Variants in HEATR5B observed in about 807,000 individuals in gnomAD.
HEATR5B encodes HEAT repeat-containing protein 5B.
Under a neutral mutation model 224.1 loss-of-function variants are expected in HEATR5B, and 156 were observed. That is an observed-to-expected ratio of 0.70 (90% CI 0.61 to 0.80). The LOEUF (loss-of-function observed/expected upper bound fraction) is 0.80. Among genes scored for constraint, HEATR5B ranks in the 30% least tolerant of loss-of-function variants. The pLI, the probability that HEATR5B is intolerant of heterozygous loss-of-function variation, is 0.00. For synonymous variants in HEATR5B, 1,027 were observed against 893.0 expected (o/e 1.15, Z -2.68); for missense variants, 2,323 against 2,535.5 (o/e 0.92, Z 1.80).
At chr2:37,002,197 A>T in intron 32 of HEATR5B, 109 bp downstream of exon 32, 1 of 1,209,070 alleles carries the variant, frequency 8.3e-7, no homozygotes, top group South Asian at 1.5e-5. Flanking sequence ...CTTATTTTTC[A>T]CTTGAGATTT....
intron 31 of HEATR5B, 142 bp from the exon 32 acceptor site, chr2:37,002,714 G>T: frequency 1.2e-6 from 1 of 816,500 alleles, no homozygotes; most frequent in Non-Finnish European, 1.9e-6. Flanking sequence ...ATAATTCTCT[G>T]CCTCCCTAGA....
At chr2:37,030,661 A>G (rs973123795) in intron 22 of HEATR5B, among the ~76,000 whole-genome samples, 1 of 152,318 alleles carries the variant, frequency 6.6e-6, no homozygotes, top group Non-Finnish European at 1.5e-5. Flanking sequence ...ACTGGTTGTA[A>G]TTATTATTTT....
In HEATR5B at chr2:37,008,632, A is replaced by C. The variant is rs372217707; in HGVS notation, c.4501T>G (p.Ser1501Ala). 8 of 1,613,604 alleles carry C rather than the reference A, an allele frequency of 5.0e-6. 1 individual carries two copies. Among genetic ancestry groups the C allele is most frequent in the Non-Finnish European group, 6.8e-6 (8 of 1,179,492 alleles). The change falls in exon 28 of 36, where the codon TCT becomes GCT. Residue 1501 changes from serine to alanine, a missense_variant. Around this residue, in one of 12 missense-constraint regions of HEATR5B, gnomAD observed 844 missense variants for 812.9 expected, o/e 1.04. Coordinates refer to ENST00000233099, the MANE Select transcript of HEATR5B (RefSeq NM_019024.3). ...TCACCATCTGGAGGAAGCTGACTAG[A>C]AAATTCGGCTGGTAAAGTCAAGAGT... Reference protein sequence around the residue: ...YALLTLPAEFSSQLPPDGGAF... With the variant: ...YALLTLPAEFASQLPPDGGAF...
chr2:37,043,798 G>T (rs1229897331), intron 18 of HEATR5B, among the ~76,000 whole-genome samples: 1 of 152,104 alleles, frequency 6.6e-6, no homozygotes, highest in African/African-American at 2.4e-5. Flanking sequence ...TATTTTATTT[G>T]TATCTTTTCA....
chr2:37,049,568 G>T, intron 18 of HEATR5B, 85 bp downstream of exon 18: 1 of 1,207,372 alleles, frequency 8.3e-7, no homozygotes, highest in Non-Finnish European at 1.2e-6. Flanking sequence ...TGTATACCAT[G>T]TGGAAAACAT....
At chr2:37,080,424 A>G (rs1460762316) in intron 2 of HEATR5B, among the ~76,000 whole-genome samples, 1 of 152,238 alleles carries the variant, frequency 6.6e-6, no homozygotes, top group African/African-American at 2.4e-5. Context: ...GAGAGATAAT[A>G]GCGGTAACCA....
chr2:36,988,068 T>TA (rs1006360709), intron 35 of HEATR5B, among the ~76,000 whole-genome samples: 3 of 145,332 alleles, frequency 2.1e-5, no homozygotes, highest in Non-Finnish European at 3.0e-5. Flanking sequence ...CGAGACTGTC[T>TA]AAAAAAAAAG....
At chr2:37,014,079 T>C in intron 26 of HEATR5B, 59 bp from the exon 27 acceptor site, 3 of 976,044 alleles carry the variant, frequency 3.1e-6, no homozygotes, top group Admixed American at 2.7e-5. Flanking sequence ...TATAAGAAAA[T>C]GGAATAAATG....
In HEATR5B at chr2:37,064,637, C is replaced by T. The variant is rs777070831; in HGVS notation, c.1584+103G>A. 722 of 1,106,158 alleles carry T rather than the reference C, an allele frequency of 6.5e-4. 1 individual carries two copies. The highest frequency in any genetic ancestry group is 9.0e-4 in the Non-Finnish European group (677 of 754,828). 68.5% of individuals were successfully genotyped at this position (1,106,158 alleles called of 1,614,324 possible). A position where few individuals can be genotyped will look rare whatever the true frequency, so the allele number is the denominator to read the frequency against. ...CACTATGTTTTATGATAACATAGTA[C>T]AACTGTTATTTGACCACCCTGTTCA... is the stretch of plus-strand genomic sequence containing the variant. On this transcript the variant is annotated intron_variant, in intron 10 of 35. Transcript: ENST00000233099.
Position 37,057,329 on chromosome 2 carries a change from T to A in HEATR5B, c.2211A>T (p.Ser737=). ...GSWLQETDHK[S]IEDQLQPNSA... is the part of the protein sequence containing the mutation. ...CTATGTTTATTACCTGGTCTTCAATTGATTTATGATCAGTTTCCTGAAGCC... is the reference window on the plus strand; with the variant it reads ...CTATGTTTATTACCTGGTCTTCAATAGATTTATGATCAGTTTCCTGAAGCC... Residue 737 remains serine (S), a synonymous_variant, in exon 15 of 36, where the codon TCA becomes TCT. Coordinates refer to ENST00000233099, the MANE Select transcript of HEATR5B (RefSeq NM_019024.3). 1 of 1,602,748 alleles carries A rather than the reference T, an allele frequency of 6.2e-7. No homozygotes were observed. The highest frequency in any genetic ancestry group is 8.5e-7 in the Non-Finnish European group (1 of 1,176,402).
rs1461475501 is a variant in HEATR5B, at chr2:37,007,855, C to G, written c.4523-551G>C. On this transcript the variant is annotated intron_variant, in intron 28 of 35. Coordinates refer to ENST00000233099, the MANE Select transcript of HEATR5B (RefSeq NM_019024.3). ...CTGCTGATGTCACTAAGTATTCTTA[C>G]CTTTTCTTACCCTGTTGTCACAGAA... Among the ~76,000 whole-genome samples, 3 of 152,212 alleles carry G rather than the reference C, an allele frequency of 2.0e-5. No homozygotes were observed. In the East Asian group the frequency reaches 5.8e-4, roughly 29 times the overall value.
At chr2:37,039,861 C>A (rs575904679) in intron 20 of HEATR5B, among the ~76,000 whole-genome samples, 1 of 152,178 alleles carries the variant, frequency 6.6e-6, no homozygotes. Context: ...CTTATCTTCT[C>A]GCAGTTTACT....
In HEATR5B at chr2:37,008,835, G is replaced by C; in HGVS notation, c.4298C>G (p.Ala1433Gly). ...CTCTGCTTCCTTTTTAATATTCATA[G>C]CGACCACATATACCTAATATGATAT... ...LKAWAEVYVV[A>G]MNIKKEAESK... Residue 1433 changes from alanine to glycine, a missense_variant, in exon 28 of 36, where the codon GCT becomes GGT. Physicochemically the swap from Ala to Gly is moderately conservative, Grantham distance 60. Coordinates refer to ENST00000233099, the MANE Select transcript of HEATR5B (RefSeq NM_019024.3). The C allele has an allele frequency of 6.2e-7, 1 of 1,602,722 alleles. No individual in the cohort carries two copies. The highest frequency in any genetic ancestry group is 8.5e-7 in the Non-Finnish European group (1 of 1,169,992).
At chr2:37,055,978 G>GT (rs1401359190) in intron 16 of HEATR5B, among the ~76,000 whole-genome samples, 1 of 152,144 alleles carries the variant, frequency 6.6e-6, no homozygotes. Flanking sequence ...TTCTAGACTT[G>GT]AACCATCTCA....
chr2:37,062,790 ATTTG>A (rs1453036821), intron 10 of HEATR5B, among the ~76,000 whole-genome samples: 1 of 151,912 alleles, frequency 6.6e-6, no homozygotes, highest in Non-Finnish European at 1.5e-5. Flanking sequence ...TAGCTTACTT[ATTTG>A]TTTGTTTTTT....
rs553062911 is a variant in HEATR5B at position 37,038,209 on chromosome 2, G to A, written c.3047-185C>T. 2.0e-4 allele frequency among the ~76,000 whole-genome samples: 31 copies of A among 152,078 alleles called. 1 individual carries two copies. The highest frequency in any genetic ancestry group is 6.2e-4 in the South Asian group (3 of 4,818). On this transcript the variant is annotated intron_variant, in intron 20 of 35. Transcript: ENST00000233099. ...GGCTAGAGTGCAGTGGCGCGATCTC[G>A]GCTCACTGCAACCTCCGCCTCCCAG...
At chr2:37,054,463 G>A (rs1376664978) in intron 16 of HEATR5B, among the ~76,000 whole-genome samples, 1 of 141,366 alleles carries the variant, frequency 7.1e-6, no homozygotes, top group Non-Finnish European at 1.5e-5. Context: ...TTACAGGCGT[G>A]AGCCACTGTG....
At chr2:37,057,598 C>A (rs919745971) in intron 14 of HEATR5B, 118 bp from the exon 15 acceptor site, 55 of 603,240 alleles carry the variant, frequency 9.1e-5, no homozygotes, top group Middle Eastern at 7.8e-4. Context: ...TCTCTGTTCT[C>A]TTCTTTAAAA....
intron 33 of HEATR5B, among the ~76,000 whole-genome samples, chr2:36,998,221 A>T (rs1436277528): frequency 6.6e-6 from 1 of 152,230 alleles, no homozygotes; most frequent in East Asian, 1.9e-4. Flanking sequence ...CAAAAGAAAT[A>T]AACCTTGAAA....
Sources: gnomAD v4.1 joint callset for allele counts (sites outside exome capture counted in the v4.1 genomes callset) on GRCh38, gnomAD v4.1.1 for gene constraint, gnomAD v4.1.1 regional missense constraint, MANE v1.5 for transcripts, NCBI Gene and HGNC (gene_info 2026-07-23, HGNC 2026-07-21) for gene names.